Variants in L3MBTL4 observed in about 807,000 individuals in gnomAD.
L3MBTL4 encodes the protein lethal(3)malignant brain tumor-like protein 4.
L3MBTL4 carries 70 observed loss-of-function variants against 84.5 expected under a neutral mutation model. The observed-to-expected ratio is 0.83, with a 90% CI of 0.68 to 1.01. The LOEUF (loss-of-function observed/expected upper bound fraction) is 1.01, where lower values mean the gene tolerates loss of function less well. L3MBTL4 is among the 50% of genes least tolerant of loss of function. L3MBTL4 has a pLI of 0.00. For missense variants in L3MBTL4, 715 were observed against 754.8 expected (o/e 0.95, Z 0.62); for synonymous variants, 274 against 259.8 (o/e 1.05, Z -0.52).
At chr18:6,390,210 TAAAC>T (rs1336435720) in intron 1 of L3MBTL4, among the ~76,000 whole-genome samples, 4 of 152,104 alleles carry the variant, frequency 2.6e-5, no homozygotes. Context: ...TACATGGAGT[TAAAC>T]AATCTGCTCC....
intron 1 of L3MBTL4, among the ~76,000 whole-genome samples, chr18:6,354,420 T>C (rs181699742): frequency 3.3e-5 from 5 of 151,998 alleles, no homozygotes; most frequent in Non-Finnish European, 5.9e-5. Flanking sequence ...CAAAGCAAAA[T>C]GGACAAATGG....
At chr18:6,031,422 A>G in intron 16 of L3MBTL4, 1 of 985,458 alleles carries the variant, frequency 1.0e-6, no homozygotes, top group Non-Finnish European at 1.2e-6. Flanking sequence ...ACTTCTGAAC[A>G]TTTATAAGTT....
chr18:6,241,812 G>A (rs2047463735), intron 7 of L3MBTL4, among the ~76,000 whole-genome samples: 2 of 152,094 alleles, frequency 1.3e-5, no homozygotes, highest in African/African-American at 2.4e-5. Flanking sequence ...CGCCCATTAA[G>A]GCTTTCCTGA....
chr18:6,339,139 A>G, intron 1 of L3MBTL4, among the ~76,000 whole-genome samples: 1 of 152,192 alleles, frequency 6.6e-6, no homozygotes, highest in East Asian at 1.9e-4. Flanking sequence ...TTAGGGCCAC[A>G]TGATGCGGTT....
chr18:6,062,238 G>A (rs1277254068), intron 16 of L3MBTL4, among the ~76,000 whole-genome samples: 5 of 151,862 alleles, frequency 3.3e-5, no homozygotes, highest in Non-Finnish European at 1.5e-5. Context: ...TTGAAGAATA[G>A]TTTTACCGCA....
chr18:6,146,897 C>A (rs1191360507), intron 13 of L3MBTL4, among the ~76,000 whole-genome samples: 1 of 151,582 alleles, frequency 6.6e-6, no homozygotes. Context: ...CCAGTCCTGG[C>A]GAAGGCAAAA....
intron 5 of L3MBTL4, among the ~76,000 whole-genome samples, chr18:6,248,320 A>G (rs1258198331): frequency 1.3e-5 from 2 of 152,188 alleles, no homozygotes; most frequent in African/African-American, 4.8e-5. Flanking sequence ...TCATCCAAGA[A>G]TGGAGTATAT....
At chr18:6,375,117 C>T (rs955478757) in intron 1 of L3MBTL4, among the ~76,000 whole-genome samples, 2 of 152,114 alleles carry the variant, frequency 1.3e-5, no homozygotes, top group African/African-American at 4.8e-5. Context: ...AACTGCAAAC[C>T]CTGACTCACA....
At chr18:6,366,814 C>T (rs146364075) in intron 1 of L3MBTL4, among the ~76,000 whole-genome samples, 29 of 152,322 alleles carry the variant, frequency 1.9e-4, no homozygotes, top group African/African-American at 6.7e-4. Context: ...CATTTGCCTG[C>T]CTTTTTCCAA....
At chr18:6,076,859 T>C (rs1003030235) in intron 16 of L3MBTL4, among the ~76,000 whole-genome samples, 2 of 152,190 alleles carry the variant, frequency 1.3e-5, no homozygotes, top group Non-Finnish European at 2.9e-5. Flanking sequence ...AGCTGAACTT[T>C]CCACAATTCC....
chr18:6,378,991 T>C (rs2144317056), intron 1 of L3MBTL4, among the ~76,000 whole-genome samples: 1 of 152,332 alleles, frequency 6.6e-6, no homozygotes, highest in Middle Eastern at 3.4e-3. Flanking sequence ...CTCTCTTATT[T>C]CCTTGAGCAG....
intron 4 of L3MBTL4, among the ~76,000 whole-genome samples, chr18:6,296,341 T>G (rs977291191): frequency 6.6e-6 from 1 of 152,236 alleles, no homozygotes; most frequent in East Asian, 1.9e-4. Flanking sequence ...GACTTCAGTA[T>G]AGTAAAGGAT....
chr18:5,977,037 G>GAT (rs2052970580), intron 16 of L3MBTL4, among the ~76,000 whole-genome samples: 1 of 152,148 alleles, frequency 6.6e-6, no homozygotes, highest in Non-Finnish European at 1.5e-5. Context: ...GGGACAGCCA[G>GAT]ATCCTTGGGG....
At chr18:6,222,808 C>T (rs911511264) in intron 10 of L3MBTL4, among the ~76,000 whole-genome samples, 3 of 151,786 alleles carry the variant, frequency 2.0e-5, no homozygotes, top group Admixed American at 2.0e-4. Context: ...GAACTCTTAC[C>T]TTCCTTATGC....
At chr18:6,266,579 A>C (rs1291862636) in intron 4 of L3MBTL4, among the ~76,000 whole-genome samples, 1 of 152,194 alleles carries the variant, frequency 6.6e-6, no homozygotes, top group Non-Finnish European at 1.5e-5. Flanking sequence ...CTGAATAACA[A>C]ACACAAAATC....
chr18:6,345,425 A>AAACAAAC (rs1568528874), intron 1 of L3MBTL4, among the ~76,000 whole-genome samples: 3 of 150,892 alleles, frequency 2.0e-5, no homozygotes, highest in African/African-American at 7.4e-5. Flanking sequence ...AACAAACAAA[A>AAACAAAC]AAAACCATAA....
chr18:6,169,532 A>G (rs917752227), intron 13 of L3MBTL4, among the ~76,000 whole-genome samples: 1 of 152,164 alleles, frequency 6.6e-6, no homozygotes, highest in Non-Finnish European at 1.5e-5. Context: ...CTTTGTAGGA[A>G]CATGGATGAA....
chr18:6,398,812 A>T (rs2055388557), intron 1 of L3MBTL4, among the ~76,000 whole-genome samples: 1 of 152,016 alleles, frequency 6.6e-6, no homozygotes. Flanking sequence ...TCCATTGTAG[A>T]GGCCCGAAAG....
rs559005285 is a variant in L3MBTL4, at chr18:6,004,559, T to C, written c.1445-34997A>G. Among the ~76,000 whole-genome samples, 9 of 152,296 alleles carry C rather than the reference T, an allele frequency of 5.9e-5. No homozygotes were observed. The South Asian group carries it at 1.7e-3, about 28-fold the overall frequency. On this transcript the variant is annotated intron_variant, in intron 16 of 18. Transcript: ENST00000317931. Reference sequence around the variant, plus strand: ...TAGAAAAGGAAGAAGGAGAATTATCTCTCTTCACAGATGACATGATCTTAC... The same window carrying C: ...TAGAAAAGGAAGAAGGAGAATTATCCCTCTTCACAGATGACATGATCTTAC...
Sources: gnomAD v4.1 joint callset for allele counts (sites outside exome capture counted in the v4.1 genomes callset) on GRCh38, gnomAD v4.1.1 for gene constraint, MANE v1.5 for transcripts, NCBI Gene and HGNC (gene_info 2026-07-23, HGNC 2026-07-21) for gene names.